CFAP299: variants seen among roughly 807,000 people sequenced by gnomAD.
The protein encoded by CFAP299 is cilia- and flagella-associated protein 299.
CFAP299 carries 21 observed loss-of-function variants against 27.0 expected under a neutral mutation model. The ratio of observed to expected loss-of-function variants is 0.78; its 90% CI spans 0.55 to 1.12. CFAP299 has a LOEUF of 1.12. Among genes scored for constraint, CFAP299 ranks in the 50% most tolerant of loss-of-function variants. CFAP299 has a pLI of 0.00. For missense variants in CFAP299, 310 were observed against 276.6 expected (o/e 1.12, Z -0.86); for synonymous variants, 104 against 98.1 (o/e 1.06, Z -0.36).
chr4:80,455,963 T>A (rs1729132479), intron 2 of CFAP299, among the ~76,000 whole-genome samples: 1 of 152,104 alleles, frequency 6.6e-6, no homozygotes, highest in Non-Finnish European at 1.5e-5. Context: ...AAAAAAAAGA[T>A]ATGCTATGAT....
rs573069594 is a variant in CFAP299, at chr4:80,519,368, G to A, written c.243-63725G>A. Among the ~76,000 whole-genome samples, 30 of 152,168 alleles carry A rather than the reference G, an allele frequency of 2.0e-4. 1 individual carries two copies. The South Asian group carries it at 5.8e-3, about 29-fold the overall frequency. On this transcript the variant is annotated intron_variant, in intron 2 of 5. Transcript: ENST00000358105. ...ATTACAAGCATGTGCCACCACAGGT[G>A]GCTAATTTTTATGTTATTAGTATAG...
At chr4:80,914,295 A>G (rs142101642) in intron 4 of CFAP299, among the ~76,000 whole-genome samples, 47 of 152,326 alleles carry the variant, frequency 3.1e-4, no homozygotes, top group African/African-American at 1.1e-3. Context: ...CTTACTAGTA[A>G]TATATGAGTT....
At chr4:80,833,059 A>G (rs1042506077) in intron 3 of CFAP299, among the ~76,000 whole-genome samples, 2 of 152,092 alleles carry the variant, frequency 1.3e-5, no homozygotes, top group African/African-American at 2.4e-5. Context: ...TTGTGATTTT[A>G]TAGTAATTAC....
chr4:80,874,710 T>A (rs962394405), intron 4 of CFAP299, among the ~76,000 whole-genome samples: 3 of 152,258 alleles, frequency 2.0e-5, no homozygotes, highest in Admixed American at 1.3e-4. Context: ...CCCTACCACT[T>A]AATACACCAG....
At chr4:80,431,000 C>A (rs546057284) in intron 2 of CFAP299, among the ~76,000 whole-genome samples, 1 of 152,210 alleles carries the variant, frequency 6.6e-6, no homozygotes, top group Non-Finnish European at 1.5e-5. Flanking sequence ...CCCACATTCA[C>A]CTTCGTGAGA....
chr4:80,914,236 T>A (rs975565802), intron 4 of CFAP299, among the ~76,000 whole-genome samples: 1 of 152,346 alleles, frequency 6.6e-6, no homozygotes, highest in South Asian at 2.1e-4. Context: ...GATAAGCACA[T>A]GTTTAATGTT....
At chr4:80,329,654 A>T in the CFAP299 span, among the ~76,000 whole-genome samples, 1 of 152,104 alleles carries the variant, frequency 6.6e-6, no homozygotes, top group Non-Finnish European at 1.5e-5. Context: ...AATTGGCACC[A>T]CTTCCTTTAA....
chr4:80,751,445 G>C (rs1222928274), intron 3 of CFAP299, among the ~76,000 whole-genome samples: 1 of 152,158 alleles, frequency 6.6e-6, no homozygotes, highest in East Asian at 1.9e-4. Context: ...CAACTGCAGA[G>C]GTGGCAGCTG....
intron 4 of CFAP299, among the ~76,000 whole-genome samples, chr4:80,928,595 A>G (rs1367072165): frequency 1.3e-5 from 2 of 152,140 alleles, no homozygotes; most frequent in African/African-American, 2.4e-5. Context: ...AGATATTTTC[A>G]TAGTCGTAAA....
At chr4:80,351,318 C>T (rs1169037366) in intron 1 of CFAP299, among the ~76,000 whole-genome samples, 2 of 151,890 alleles carry the variant, frequency 1.3e-5, no homozygotes, top group Non-Finnish European at 2.9e-5. Flanking sequence ...TTATAACATG[C>T]ACAGAAATAC....
At chr4:80,570,635 ACT>A (rs1363168788) in intron 2 of CFAP299, among the ~76,000 whole-genome samples, 1 of 152,100 alleles carries the variant, frequency 6.6e-6, no homozygotes, top group Non-Finnish European at 1.5e-5. Context: ...GAACTTTCAC[ACT>A]CTCATAGTGA....
chr4:80,403,349 G>T (rs974673610), intron 2 of CFAP299, among the ~76,000 whole-genome samples: 2 of 152,194 alleles, frequency 1.3e-5, no homozygotes, highest in Non-Finnish European at 2.9e-5. Context: ...AAGCAAAGAA[G>T]ATACAGTATA....
chr4:80,643,997 C>T (rs912988332), intron 3 of CFAP299, among the ~76,000 whole-genome samples: 1 of 152,098 alleles, frequency 6.6e-6, no homozygotes, highest in African/African-American at 2.4e-5. Context: ...GTTTCAATAC[C>T]TCTAATGTCT....
chr4:80,886,668 G>A (rs1578212780), intron 4 of CFAP299, among the ~76,000 whole-genome samples: 1 of 152,002 alleles, frequency 6.6e-6, no homozygotes, highest in African/African-American at 2.4e-5. Flanking sequence ...TCAATGCCAA[G>A]GCACTGATGA....
rs561195043 is a variant in CFAP299 at position 80,729,003 on chromosome 4, C to CTT, written c.334-140986_334-140985dup. ...AAAGAGATCCACTTCTTTCTTTTTT[C>CTT]TTTTTCTCCTTTTCCCCTGTGAAGT... On this transcript the variant is annotated intron_variant, in intron 3 of 5. Transcript: ENST00000358105. 1.1e-4 allele frequency among the ~76,000 whole-genome samples: 16 copies of CTT among 152,230 alleles called. No individual in the cohort carries two copies. In the East Asian group the frequency reaches 2.5e-3, roughly 24 times the overall value.
rs1298386884 is a variant in CFAP299, at chr4:80,737,276, C to G, written c.334-132717C>G. ...CATGTATACATATGTAACTAACCTG[C>G]ACATTGCGCACATGTACCCTAAAAC... On this transcript the variant is annotated intron_variant, in intron 3 of 5. Transcript: ENST00000358105. 2.7e-5 allele frequency among the ~76,000 whole-genome samples: 4 copies of G among 150,744 alleles called. No individual in the cohort carries two copies. In the East Asian group the frequency reaches 5.9e-4, roughly 22 times the overall value.
intron 2 of CFAP299, among the ~76,000 whole-genome samples, chr4:80,469,484 T>A (rs1729876960): frequency 6.6e-6 from 1 of 152,202 alleles, no homozygotes; most frequent in Non-Finnish European, 1.5e-5. Context: ...CAAATGATAT[T>A]TTGTATGAAA....
rs1243130366 is a variant in CFAP299, at chr4:80,726,239, AGTAGCTTAAAC to A, written c.333+143057_333+143067del. Among the ~76,000 whole-genome samples the A allele has an allele frequency of 2.0e-5, 3 of 152,286 alleles. No individual in the cohort carries two copies. In the East Asian group the frequency reaches 5.8e-4, roughly 29 times the overall value. ...TGTGTTCATGCTGTCATATTTGACC[AGTAGCTTAAAC>A]TTTTTCTCTATGACACAATTAGAAT... On this transcript the variant is annotated intron_variant, in intron 3 of 5. Transcript: ENST00000358105.
chr4:80,577,081 T>C (rs1481423648), intron 2 of CFAP299, among the ~76,000 whole-genome samples: 1 of 152,200 alleles, frequency 6.6e-6, no homozygotes, highest in Non-Finnish European at 1.5e-5. Flanking sequence ...GAATTCTCAT[T>C]GTTTTCACAA....
Sources: gnomAD v4.1 joint callset for allele counts (sites outside exome capture counted in the v4.1 genomes callset) on GRCh38, gnomAD v4.1.1 for gene constraint, MANE v1.5 for transcripts, NCBI Gene and HGNC (gene_info 2026-07-23, HGNC 2026-07-21) for gene names.